MCUR1: variants seen among roughly 807,000 people sequenced by gnomAD.
The protein encoded by MCUR1 is MCU regulator 1.
A neutral mutation model predicts 42.0 loss-of-function variants in MCUR1; 37 were observed. That is an observed-to-expected ratio of 0.88 (90% CI 0.68 to 1.16). The LOEUF (loss-of-function observed/expected upper bound fraction) is 1.16. Ranked by LOEUF, MCUR1 falls within the 50% of genes most tolerant of loss-of-function variation. The pLI, the probability that MCUR1 is intolerant of heterozygous loss-of-function variation, is 0.00. For missense variants in MCUR1, 469 were observed against 468.4 expected (o/e 1.00, Z -0.01); for synonymous variants, 229 against 196.2 (o/e 1.17, Z -1.40).
intron 7 of MCUR1, 70 bp from the exon 8 acceptor site, chr6:13,792,062 T>G: frequency 8.8e-5 from 102 of 1,159,156 alleles, no homozygotes; most frequent in Non-Finnish European, 1.1e-4. Flanking sequence ...CTATAGCTCC[T>G]TCCCAACGGG....
chr6:13,805,608 C>T (rs1760097340), intron 2 of MCUR1, among the ~76,000 whole-genome samples: 1 of 152,164 alleles, frequency 6.6e-6, no homozygotes, highest in African/African-American at 2.4e-5. Flanking sequence ...CTGCTGTCTC[C>T]CACAAAGCAC....
At chr6:13,808,532 CT>C (rs1760160335) in intron 1 of MCUR1, among the ~76,000 whole-genome samples, 1 of 152,130 alleles carries the variant, frequency 6.6e-6, no homozygotes, top group South Asian at 2.1e-4. Context: ...CTTTTGTTGC[CT>C]GTGCTTTTTT....
chr6:13,813,065 A>C (rs970371851), intron 1 of MCUR1, among the ~76,000 whole-genome samples: 30 of 152,232 alleles, frequency 2.0e-4, no homozygotes, highest in African/African-American at 7.0e-4. Context: ...CATTGTGTTC[A>C]GATTGCCTCT....
chr6:13,794,658 G>C (rs1197664724), intron 6 of MCUR1, among the ~76,000 whole-genome samples: 1 of 146,212 alleles, frequency 6.8e-6, no homozygotes, highest in Non-Finnish European at 1.5e-5. Flanking sequence ...TTTTGGCTTG[G>C]TTTTTTGTTT....
At chr6:13,811,910 A>G (rs1010490581) in intron 1 of MCUR1, among the ~76,000 whole-genome samples, 2 of 152,060 alleles carry the variant, frequency 1.3e-5, no homozygotes, top group African/African-American at 4.8e-5. Flanking sequence ...CAGAAACAGC[A>G]AGCTTATTTC....
intron 3 of MCUR1, among the ~76,000 whole-genome samples, chr6:13,801,821 C>G (rs765243891): frequency 6.6e-6 from 1 of 152,088 alleles, no homozygotes; most frequent in African/African-American, 2.4e-5. Flanking sequence ...CCACTGCACT[C>G]CAGCCTGGGC....
At chr6:13,811,787 C>A (rs1760240162) in intron 1 of MCUR1, among the ~76,000 whole-genome samples, 1 of 152,066 alleles carries the variant, frequency 6.6e-6, no homozygotes. Flanking sequence ...TAAAACATAA[C>A]CTCCTCACCC....
Position 13,814,206 on chromosome 6 carries a change from A to G in MCUR1, c.224T>C (p.Val75Ala), listed in dbSNP as rs767108031. ...TGCGGCGGCCAAGCGCGGGGAGGGC[A>G]CTAGCAGGAGGAGGAGCAGCGGTGA... ...RASPLLLLLL[V>A]PSPRLAAAAP... The change falls in exon 1 of 9, where the codon GTG becomes GCG. Residue 75 changes from valine (V) to alanine (A), a missense_variant. Coordinates refer to ENST00000379170, the MANE Select transcript of MCUR1 (RefSeq NM_001031713.4). 94 of 1,437,364 alleles carry G rather than the reference A, an allele frequency of 6.5e-5. No homozygotes were observed. In the Middle Eastern group the frequency reaches 2.4e-3, roughly 37 times the overall value. 89.0% of individuals were successfully genotyped at this position (1,437,364 alleles called of 1,614,324 possible). A position where few individuals can be genotyped will look rare whatever the true frequency, so the allele number is the denominator to read the frequency against.
chr6:13,796,636 T>A (rs1056975807), intron 6 of MCUR1, among the ~76,000 whole-genome samples: 7 of 152,242 alleles, frequency 4.6e-5, no homozygotes, highest in Non-Finnish European at 1.0e-4. Flanking sequence ...GTGAAAAAAA[T>A]TTCTGGAAAA....
intron 7 of MCUR1, among the ~76,000 whole-genome samples, chr6:13,792,369 GCTA>G (rs1759750085): frequency 6.6e-6 from 1 of 152,170 alleles, no homozygotes; most frequent in South Asian, 2.1e-4. Flanking sequence ...AAAGGCAACG[GCTA>G]CGTCTCATCC....
intron 1 of MCUR1, among the ~76,000 whole-genome samples, chr6:13,809,230 C>T (rs529753214): frequency 1.1e-4 from 16 of 152,262 alleles, no homozygotes; most frequent in Admixed American, 1.0e-3. Context: ...GTATTCAGAT[C>T]AATGAACATG....
chr6:13,800,332 G>T lies in MCUR1; in HGVS notation c.783+9C>A. The T allele has an allele frequency of 1.3e-6, 2 of 1,558,536 alleles. No individual in the cohort carries two copies. The highest frequency in any genetic ancestry group is 1.2e-5 in the South Asian group (1 of 84,728). Reference sequence around the variant, plus strand: ...CAAACCAGCCAACAAACAGGAAAGTGAATCTTACCATTACTTGTTGTTTTA... The same window carrying T: ...CAAACCAGCCAACAAACAGGAAAGTTAATCTTACCATTACTTGTTGTTTTA... On this transcript the variant is annotated intron_variant, in intron 5 of 8. Transcript: ENST00000379170.
At chr6:13,794,008 G>C in intron 6 of MCUR1, 61 bp from the exon 7 acceptor site, 1 of 1,506,346 alleles carries the variant, frequency 6.6e-7, no homozygotes, top group Non-Finnish European at 9.2e-7. Context: ...CTCCTTCTCT[G>C]GTGCCTTAAA....
At chr6:13,801,489 G>T in intron 3 of MCUR1, 100 bp from the exon 4 acceptor site, 1 of 798,572 alleles carries the variant, frequency 1.3e-6, no homozygotes, top group Non-Finnish European at 2.0e-6. Flanking sequence ...CCAGGACAAT[G>T]TGGACACAAA....
At chr6:13,794,561 T>A (rs933775702) in intron 6 of MCUR1, among the ~76,000 whole-genome samples, 3 of 151,958 alleles carry the variant, frequency 2.0e-5, no homozygotes, top group African/African-American at 7.2e-5. Context: ...AGGATTATTA[T>A]TCTATGACAA....
At chr6:13,802,177 A>G in intron 3 of MCUR1, 66 bp downstream of exon 3, 1 of 1,288,136 alleles carries the variant, frequency 7.8e-7, no homozygotes, top group Non-Finnish European at 1.1e-6. Context: ...ATTATATTAA[A>G]ACATTACTAC....
intron 2 of MCUR1, chr6:13,803,723 T>C (rs1456277376): frequency 2.0e-6 from 2 of 979,132 alleles, no homozygotes; most frequent in Non-Finnish European, 2.4e-6. Flanking sequence ...TACAAAAGGT[T>C]ACTCACCAAA....
Position 13,800,327 on chromosome 6 carries a change from A to G in MCUR1, c.783+14T>C. On this transcript the variant is annotated intron_variant, in intron 5 of 8. Transcript: ENST00000379170. ...AATTACAAACCAGCCAACAAACAGG[A>G]AAGTGAATCTTACCATTACTTGTTG... 1 of 1,552,054 alleles carries G rather than the reference A, an allele frequency of 6.4e-7. No homozygotes were observed. The highest frequency in any genetic ancestry group is 1.2e-5 in the South Asian group (1 of 84,240).
At chr6:13,811,374 T>G (rs980262263) in intron 1 of MCUR1, among the ~76,000 whole-genome samples, 1 of 152,150 alleles carries the variant, frequency 6.6e-6, no homozygotes, top group African/African-American at 2.4e-5. Context: ...CTGTAATGAC[T>G]TCTACAATCT....
Sources: allele counts gnomAD v4.1 joint callset (sites outside exome capture counted in the v4.1 genomes callset), GRCh38; gene constraint gnomAD v4.1.1; transcripts MANE v1.5; gene names NCBI Gene and HGNC (gene_info 2026-07-23, HGNC 2026-07-21).